The following IQSEC1 variants were observed in gnomAD, a reference collection of about 807,000 sequenced individuals.
IQSEC1 encodes IQ motif and SEC7 domain-containing protein 1.
Under a neutral mutation model 91.0 loss-of-function variants are expected in IQSEC1, and 31 were observed. The observed-to-expected ratio is 0.34, with a 90% CI of 0.26 to 0.46. The LOEUF (loss-of-function observed/expected upper bound fraction) is 0.46. IQSEC1 is among the 20% of genes least tolerant of loss of function. The probability of loss-of-function intolerance (pLI) is 1.00; values close to 1 mark genes in which losing one functional copy is unlikely to be tolerated. For missense variants in IQSEC1, 1,388 were observed against 1,575.6 expected, an observed-to-expected ratio of 0.88 and a Z score of 2.02; for synonymous variants, 699 against 662.6, an observed-to-expected ratio of 1.05 and a Z score of -0.84.
At chr3:13,071,416 T>A (rs1290626156) in intron 1 of IQSEC1, among the ~76,000 whole-genome samples, 1 of 152,006 alleles carries the variant, frequency 6.6e-6, no homozygotes, top group Non-Finnish European at 1.5e-5. Flanking sequence ...CCTCATGACA[T>A]CTCCCCTCCC....
chr3:12,901,917 G>T (rs142442429), intron 13 of IQSEC1, among the ~76,000 whole-genome samples: 1 of 152,138 alleles, frequency 6.6e-6, no homozygotes, highest in Admixed American at 6.5e-5. Flanking sequence ...TGTGCCTGGA[G>T]GAGGAGCCCT....
At chr3:13,047,032 C>T (rs964548894) in intron 1 of IQSEC1, among the ~76,000 whole-genome samples, 3 of 152,200 alleles carry the variant, frequency 2.0e-5, no homozygotes, top group Admixed American at 2.0e-4. Context: ...AGCAGAGACC[C>T]TCAGACACCC....
rs142458426 is a variant in IQSEC1, at chr3:12,905,930, G to A, written c.2755+2419C>T. Among the ~76,000 whole-genome samples, 683 of 152,342 alleles carry A rather than the reference G, an allele frequency of 4.5e-3. 11 individuals carry two copies. Among genetic ancestry groups the A allele is most frequent in the African/African-American group, 0.015 (635 of 41,580 alleles). The stretch of plus-strand genomic sequence containing the variant: ...CTTGGGTCAGCAGGACTCTTGTGCC[G>A]CTGGAATGAGCACCGGGTGGGGAGT... On this transcript the variant is annotated intron_variant, in intron 12 of 13. Transcript: ENST00000613206.
At chr3:12,965,049 GGGCCTCCAGA>G (rs987643882) in intron 1 of IQSEC1, among the ~76,000 whole-genome samples, 8 of 152,312 alleles carry the variant, frequency 5.3e-5, no homozygotes, top group African/African-American at 1.9e-4. Flanking sequence ...GGGCTAGCCA[GGGCCTCCAGA>G]GGCCTCCATC....
At chr3:13,118,214 A>C (rs1045138353) in intron 2 of IQSEC1, among the ~76,000 whole-genome samples, 2 of 152,222 alleles carry the variant, frequency 1.3e-5, no homozygotes, top group African/African-American at 2.4e-5. Context: ...GTAATCCATG[A>C]ATATGTACAG....
chr3:12,924,914 G>A lies in IQSEC1; in HGVS notation c.1569-172C>T, dbSNP rs1278056379. 6.6e-6 allele frequency among the ~76,000 whole-genome samples: 1 copy of A among 152,156 alleles called. No homozygotes were observed. The highest frequency in any genetic ancestry group is 1.5e-5 in the Non-Finnish European group (1 of 68,018). ...CTAGTTCCATCTCCAGCCTGGGTGG[G>A]AACTCAAGAACCCAGGCTGGCACTG... is the stretch of plus-strand genomic sequence containing the variant. On this transcript the variant is annotated intron_variant, in intron 3 of 13. Transcript: ENST00000613206. The surrounding 1 kb of genome is among the most constrained non-coding windows in gnomAD (Gnocchi z 6.3).
At chr3:13,186,234 C>T (rs1693929597) in intron 1 of IQSEC1, among the ~76,000 whole-genome samples, 1 of 152,168 alleles carries the variant, frequency 6.6e-6, no homozygotes, top group South Asian at 2.1e-4. Flanking sequence ...GGGCCTGTCT[C>T]ATTTGCTATT....
At chr3:12,936,745 T>G (rs1330063494) in intron 2 of IQSEC1, 48 bp from the exon 3 acceptor site, 2 of 1,478,044 alleles carry the variant, frequency 1.4e-6, no homozygotes, top group Admixed American at 2.2e-5. Context: ...GTAGGCACAG[T>G]GCGACATTTA....
intron 1 of IQSEC1, among the ~76,000 whole-genome samples, chr3:13,185,003 C>G (rs1167630084): frequency 2.0e-5 from 3 of 152,156 alleles, no homozygotes; most frequent in African/African-American, 7.2e-5. Flanking sequence ...GACAAACAGA[C>G]AAGCAGGGAA....
chr3:13,015,563 G>A, intron 1 of IQSEC1: 1 of 985,398 alleles, frequency 1.0e-6, no homozygotes, highest in Non-Finnish European at 1.2e-6. Flanking sequence ...CCCGGGCCAG[G>A]TGGGTGGTAC....
intron 1 of IQSEC1, among the ~76,000 whole-genome samples, chr3:13,270,023 A>G (rs1046423842): frequency 1.3e-5 from 2 of 152,216 alleles, no homozygotes; most frequent in Non-Finnish European, 2.9e-5. Context: ...TGGAGAAGCC[A>G]CATGTGGATA....
At chr3:13,033,136 A>C (rs1376469104) in intron 1 of IQSEC1, among the ~76,000 whole-genome samples, 1 of 152,150 alleles carries the variant, frequency 6.6e-6, no homozygotes, top group Non-Finnish European at 1.5e-5. Flanking sequence ...CGAGGTGAAC[A>C]CCTCACTTGT....
At chr3:13,003,507 T>C (rs571045588) in intron 1 of IQSEC1, among the ~76,000 whole-genome samples, 1 of 152,258 alleles carries the variant, frequency 6.6e-6, no homozygotes, top group South Asian at 2.1e-4. Context: ...GGGTATGTGG[T>C]TTATTTTCAG....
intron 2 of IQSEC1, among the ~76,000 whole-genome samples, chr3:13,133,145 C>T (rs1311816836): frequency 2.6e-5 from 4 of 152,194 alleles, no homozygotes; most frequent in African/African-American, 4.8e-5. Flanking sequence ...CATCACTGCC[C>T]CTCACTCTGT....
At position 13,231,577 on chromosome 3, in the gene IQSEC1, A is replaced by G. The variant is rs1193063554; in HGVS notation, c.272+51134T>C. On this transcript the variant is annotated intron_variant, in intron 1 of 15. Transcript: ENST00000648114. ...CCAACGGCCCCACCTTCAAATATCA[A>G]CATGATGGGGATTAGGGTTTTAACA... is the stretch of plus-strand genomic sequence containing the variant. 5.3e-5 allele frequency among the ~76,000 whole-genome samples: 8 copies of G among 152,240 alleles called. No individual in the cohort carries two copies. The East Asian group carries it at 1.5e-3, about 29-fold the overall frequency.
intron 1 of IQSEC1, among the ~76,000 whole-genome samples, chr3:12,965,289 C>T (rs182593485): frequency 1.3e-5 from 2 of 152,330 alleles, no homozygotes; most frequent in East Asian, 1.9e-4. Flanking sequence ...ATCTTGGGCC[C>T]GTTACAGACT....
chr3:13,239,336 G>A (rs1236955657), intron 1 of IQSEC1, among the ~76,000 whole-genome samples: 1 of 152,218 alleles, frequency 6.6e-6, no homozygotes, highest in Non-Finnish European at 1.5e-5. Context: ...CTGCCTCCTG[G>A]CCTGGCTGAG....
chr3:13,267,647 T>G (rs1286954315), intron 1 of IQSEC1, among the ~76,000 whole-genome samples: 1 of 147,586 alleles, frequency 6.8e-6, no homozygotes, highest in Non-Finnish European at 1.5e-5. Flanking sequence ...AGACAGAGTC[T>G]CGCTCTGTCG....
At chr3:12,943,447 C>A (rs569697169) in intron 1 of IQSEC1, among the ~76,000 whole-genome samples, 1 of 152,236 alleles carries the variant, frequency 6.6e-6, no homozygotes, top group Admixed American at 6.5e-5. Flanking sequence ...CAGTTTCCAA[C>A]ACAACATCCA....
Sources: allele counts gnomAD v4.1 joint callset (sites outside exome capture counted in the v4.1 genomes callset), GRCh38; gene constraint gnomAD v4.1.1; non-coding constraint Gnocchi (gnomAD v3.1); transcripts MANE v1.5; gene names NCBI Gene and HGNC (gene_info 2026-07-23, HGNC 2026-07-21).